The following HADHA variants were observed in gnomAD, a reference collection of about 807,000 sequenced individuals.
HADHA encodes the protein trifunctional enzyme subunit alpha, mitochondrial.
A neutral mutation model predicts 91.3 loss-of-function variants in HADHA; 59 were observed. The observed-to-expected ratio is 0.65, with a 90% CI of 0.52 to 0.80. The LOEUF (loss-of-function observed/expected upper bound fraction) is 0.80. HADHA is among the 30% of genes least tolerant of loss of function. The pLI is 0.00. For synonymous variants in HADHA, 320 were observed against 338.9 expected (o/e 0.94, Z 0.61); for missense variants, 800 against 927.6 (o/e 0.86, Z 1.79).
intron 7 of HADHA, among the ~76,000 whole-genome samples, chr2:26,227,721 G>A (rs1210854842): frequency 6.6e-6 from 1 of 152,034 alleles, no homozygotes; most frequent in Non-Finnish European, 1.5e-5. Context: ...CGTAATCCCG[G>A]CTTCTTGGGA....
intron 13 of HADHA, among the ~76,000 whole-genome samples, chr2:26,200,846 C>T (rs1196057696): frequency 1.3e-5 from 2 of 151,768 alleles, no homozygotes; most frequent in South Asian, 2.1e-4. Flanking sequence ...GATTCTCCTG[C>T]TTCAGCCTCC....
At chr2:26,243,151 T>TA (rs1194006512) in intron 1 of HADHA, 1 of 152,276 alleles carries the variant, frequency 6.6e-6, no homozygotes, top group East Asian at 1.9e-4. Flanking sequence ...AAAGCCCATT[T>TA]AGTTTAAGGC....
chr2:26,213,458 T>C (rs1670150435), intron 9 of HADHA, among the ~76,000 whole-genome samples: 1 of 152,238 alleles, frequency 6.6e-6, no homozygotes, highest in African/African-American at 2.4e-5. Flanking sequence ...TCAATCTGCC[T>C]TTCTTCAGAC....
intron 16 of HADHA, 41 bp downstream of exon 16, chr2:26,194,529 G>T: frequency 1.7e-6 from 2 of 1,144,466 alleles, no homozygotes; most frequent in Non-Finnish European, 2.7e-6. Flanking sequence ...GTGACTGAAG[G>T]AGTGGAAGAT....
intron 13 of HADHA, among the ~76,000 whole-genome samples, chr2:26,198,562 A>G (rs1165022321): frequency 2.6e-5 from 4 of 152,136 alleles, no homozygotes; most frequent in South Asian, 2.1e-4. Context: ...GAATCCTAAC[A>G]GAGATGAGAA....
At position 26,209,802 on chromosome 2, in the gene HADHA, C is replaced by A; in HGVS notation, c.1063G>T (p.Gly355Ter). Reference protein sequence around the residue: ...GQVLCKKNKFGAPQKDVKHLA... With the variant: ...GQVLCKKNKF ...TACTTAACATCCTTCTGTGGAGCTC[C>A]AAATTTATTCTTCTTGCACAGGACC... Residue 355 changes from glycine (G) to a stop codon, truncating the protein, a stop_gained, in exon 11 of 20, where the codon GGA becomes TGA. Coordinates refer to ENST00000380649, the MANE Select transcript of HADHA (RefSeq NM_000182.5). LOFTEE classifies it high-confidence loss of function. 6.3e-7 allele frequency: 1 copy of A among 1,581,968 alleles called. No homozygotes were observed.
chr2:26,215,150 T>A lies in HADHA; in HGVS notation c.702A>T (p.Glu234Asp). The change falls in exon 8 of 20, where the codon GAA becomes GAT. Residue 234 changes from glutamate (E) to aspartate (D), a missense_variant. Physicochemically the swap from Glu to Asp is conservative, Grantham distance 45. Transcript: ENST00000380649. ...PLGPGLKPPE[E>D]RTIEYLEEVA... ...CTTCTTCTAGGTATTCTATTGTCCG[T>A]TCCTCTGGAGGTTTTAGTCCTGGTC... is the stretch of plus-strand genomic sequence containing the variant. The A allele has an allele frequency of 6.2e-7, 1 of 1,611,822 alleles. No individual in the cohort carries two copies. Among genetic ancestry groups the A allele is most frequent in the African/African-American group, 1.3e-5 (1 of 75,002 alleles).
At chr2:26,240,694 G>C (rs935399402) in intron 1 of HADHA, among the ~76,000 whole-genome samples, 1 of 152,144 alleles carries the variant, frequency 6.6e-6, no homozygotes, top group African/African-American at 2.4e-5. Flanking sequence ...ATGTTGCCCA[G>C]GCTGGTCTTG....
intron 13 of HADHA, among the ~76,000 whole-genome samples, chr2:26,200,620 C>T (rs1169587824): frequency 6.6e-6 from 1 of 152,214 alleles, no homozygotes; most frequent in Non-Finnish European, 1.5e-5. Context: ...AGAGCTCCTA[C>T]ATGAATAAGG....
chr2:26,237,755 T>C (rs1173015807), intron 3 of HADHA, among the ~76,000 whole-genome samples: 2 of 152,244 alleles, frequency 1.3e-5, no homozygotes, highest in Non-Finnish European at 2.9e-5. Context: ...ATTATGAATG[T>C]TTATTATTTT....
chr2:26,197,792 C>A lies in HADHA; in HGVS notation c.1393-15G>T, dbSNP rs776925695. 3 of 1,294,874 alleles carry A rather than the reference C, an allele frequency of 2.3e-6. No homozygotes were observed. Among genetic ancestry groups the A allele is most frequent in the Non-Finnish European group, 2.3e-6 (2 of 888,020 alleles). The allele number at this position is 1,294,874 out of a possible 1,614,324, so 80.2% of individuals were successfully genotyped here. ...TCTGGAATCACCTGCAGGGGAAAAG[C>A]ATTTAACAATGTGTCAGGTAGGCCT... On this transcript the variant is annotated splice_polypyrimidine_tract_variant and intron_variant, in intron 13 of 19. Transcript: ENST00000380649.
chr2:26,193,739 T>A lies in HADHA; in HGVS notation c.1723A>T (p.Thr575Ser), dbSNP rs1408040309. ...GVDPKKLDSLTTSFGFPVGAA... is the reference protein window; with the variant it reads ...GVDPKKLDSLSTSFGFPVGAA... ...CCCACAGGAAAGCCAAAGCTTGTGG[T>A]CAGGGAATCCAGCTTCTTCGGGTCA... The change falls in exon 17 of 20, where the codon ACC (threonine) becomes TCC (serine). Residue 575 changes from threonine to serine, a missense_variant. Transcript: ENST00000380649. The A allele has an allele frequency of 6.2e-7, 1 of 1,614,046 alleles. No homozygotes were observed. The highest frequency in any genetic ancestry group is 2.2e-5 in the East Asian group (1 of 44,892).
chr2:26,195,724 T>C (rs1669650360), intron 14 of HADHA, among the ~76,000 whole-genome samples: 1 of 152,168 alleles, frequency 6.6e-6, no homozygotes, highest in Non-Finnish European at 1.5e-5. Flanking sequence ...CAGATGCACT[T>C]AAGACTCATT....
chr2:26,195,905 A>C (rs937727087), intron 14 of HADHA, among the ~76,000 whole-genome samples: 1 of 152,168 alleles, frequency 6.6e-6, no homozygotes, highest in Non-Finnish European at 1.5e-5. Context: ...GATGCGTGCT[A>C]AGGTTTCAGA....
intron 15 of HADHA, 128 bp downstream of exon 15, chr2:26,194,964 C>T (rs1574603336): frequency 9.1e-6 from 8 of 882,832 alleles, no homozygotes; most frequent in East Asian, 7.2e-5. Flanking sequence ...ATCCTGGAGA[C>T]AACCCAGGGG....
At chr2:26,228,036 C>CA (rs1670524634) in intron 7 of HADHA, among the ~76,000 whole-genome samples, 1 of 151,226 alleles carries the variant, frequency 6.6e-6, no homozygotes, top group Non-Finnish European at 1.5e-5. Flanking sequence ...TCAGGCCAAA[C>CA]TTTTTTTTTC....
intron 10 of HADHA, among the ~76,000 whole-genome samples, chr2:26,211,246 G>A (rs1670093318): frequency 1.3e-5 from 2 of 152,062 alleles, no homozygotes; most frequent in South Asian, 4.2e-4. Context: ...ATGTTTATGT[G>A]CACTTGGTTA....
At position 26,214,997 on chromosome 2, in the gene HADHA, A is replaced by C; in HGVS notation, c.799+56T>G. 1 of 1,482,424 alleles carries C rather than the reference A, an allele frequency of 6.7e-7. No individual in the cohort carries two copies. 91.8% of individuals were successfully genotyped at this position (1,482,424 alleles called of 1,614,324 possible). A position where few individuals can be genotyped will look rare whatever the true frequency, so the allele number is the denominator to read the frequency against. On this transcript the variant is annotated intron_variant, in intron 8 of 19. Coordinates refer to ENST00000380649, the MANE Select transcript of HADHA (RefSeq NM_000182.5). This position sits in a 1 kb window ranked among gnomAD's most constrained non-coding sequence, Gnocchi z 4.1. ...TCCTCATTTTGAATCTACAGCAAAT[A>C]AAATTAAATTCTCAGGAAAGAAGCT...
At chr2:26,236,722 T>C (rs1410380729) in intron 4 of HADHA, 133 bp downstream of exon 4, 6 of 724,630 alleles carry the variant, frequency 8.3e-6, no homozygotes, top group Non-Finnish European at 1.4e-5. Flanking sequence ...GCCTGATACG[T>C]ACATTTTCAA....
Sources: gnomAD v4.1 joint callset for allele counts (sites outside exome capture counted in the v4.1 genomes callset) on GRCh38, gnomAD v4.1.1 for gene constraint, Gnocchi (gnomAD v3.1) non-coding constraint, MANE v1.5 for transcripts, NCBI Gene and HGNC (gene_info 2026-07-23, HGNC 2026-07-21) for gene names.